The following ULK4 variants were observed in gnomAD, a reference collection of about 807,000 sequenced individuals.
The protein encoded by ULK4 is unc-51 like kinase 4, also known as inactive serine/threonine-protein kinase ULK4.
Under a neutral mutation model 160.6 loss-of-function variants are expected in ULK4, and 133 were observed. The observed-to-expected ratio is 0.83, with a 90% CI of 0.72 to 0.96. The LOEUF is 0.96. ULK4 is among the 40% of genes least tolerant of loss of function. ULK4 has a pLI of 0.00. For synonymous variants in ULK4, 534 were observed against 539.8 expected (o/e 0.99, Z 0.15); for missense variants, 1,580 against 1,499.5 (o/e 1.05, Z -0.89).
chr3:41,391,757 T>C (rs1173455001), intron 35 of ULK4, among the ~76,000 whole-genome samples: 4 of 152,086 alleles, frequency 2.6e-5, no homozygotes, highest in African/African-American at 4.8e-5. Context: ...AGGAAAATGA[T>C]GGTGAGCACA....
intron 35 of ULK4, among the ~76,000 whole-genome samples, chr3:41,298,557 A>G (rs2079718609): frequency 6.6e-6 from 1 of 152,240 alleles, no homozygotes; most frequent in Admixed American, 6.5e-5. Context: ...CCTAGCTGCA[A>G]GAAATACAGG....
chr3:41,796,087 G>A (rs2125599308), intron 20 of ULK4, among the ~76,000 whole-genome samples: 1 of 152,294 alleles, frequency 6.6e-6, no homozygotes, highest in African/African-American at 2.4e-5. Flanking sequence ...TGAGGGAAAA[G>A]AGTGTGCTGA....
chr3:41,793,973 G>A (rs1400514994), intron 20 of ULK4, among the ~76,000 whole-genome samples: 1 of 152,152 alleles, frequency 6.6e-6, no homozygotes, highest in Non-Finnish European at 1.5e-5. Context: ...AATATCAGCA[G>A]GCAACATCAC....
chr3:41,463,327 G>A (rs1293075437), intron 32 of ULK4, 74 bp from the exon 33 acceptor site: 10 of 1,435,764 alleles, frequency 7.0e-6, no homozygotes, highest in Non-Finnish European at 8.6e-6. Context: ...CAAAAAGAGA[G>A]GCATTCTGGC....
At chr3:41,274,900 C>A (rs1459450390) in intron 35 of ULK4, among the ~76,000 whole-genome samples, 1 of 152,090 alleles carries the variant, frequency 6.6e-6, no homozygotes, top group African/African-American at 2.4e-5. Flanking sequence ...AGAAAAGATG[C>A]CTCCATGACA....
intron 30 of ULK4, among the ~76,000 whole-genome samples, chr3:41,658,533 G>T (rs184151400): frequency 6.6e-6 from 1 of 152,208 alleles, no homozygotes; most frequent in African/African-American, 2.4e-5. Flanking sequence ...AACACCAAAA[G>T]ATTAGGAAAG....
At chr3:41,802,457 C>T (rs1441868463) in intron 19 of ULK4, among the ~76,000 whole-genome samples, 1 of 152,018 alleles carries the variant, frequency 6.6e-6, no homozygotes, top group East Asian at 1.9e-4. Context: ...CCACCATGCC[C>T]AGCCAATTTT....
chr3:41,659,704 T>TCA (rs2035077119), intron 30 of ULK4, among the ~76,000 whole-genome samples: 1 of 152,154 alleles, frequency 6.6e-6, no homozygotes, highest in East Asian at 1.9e-4. Flanking sequence ...TATTTCTCCT[T>TCA]TGATACATCA....
chr3:41,863,532 C>T (rs2042552831), intron 17 of ULK4, among the ~76,000 whole-genome samples: 1 of 150,964 alleles, frequency 6.6e-6, no homozygotes, highest in Admixed American at 6.6e-5. Flanking sequence ...CCCCATACAC[C>T]ACAACTAGTT....
At chr3:41,794,673 A>AAAAAAAAAAAAAAAAAAAAAAAAAC in intron 20 of ULK4, among the ~76,000 whole-genome samples, 1 of 130,308 alleles carries the variant, frequency 7.7e-6, no homozygotes, top group Admixed American at 7.7e-5. Context: ...AAAAAAAAAA[A>AAAAAAAAAAAAAAAAAAAAAAAAAC]AAAAAAAAAA....
chr3:41,769,885 T>A (rs2039296017), intron 21 of ULK4, among the ~76,000 whole-genome samples: 1 of 152,146 alleles, frequency 6.6e-6, no homozygotes, highest in Non-Finnish European at 1.5e-5. Flanking sequence ...TAAAAATCAA[T>A]ATGTATAGCC....
intron 19 of ULK4, among the ~76,000 whole-genome samples, chr3:41,800,536 A>G (rs1233957838): frequency 6.6e-6 from 1 of 152,228 alleles, no homozygotes; most frequent in Admixed American, 6.6e-5. Context: ...ACAAAGAATT[A>G]GGAATATTTC....
In ULK4 at chr3:41,897,011, G is replaced by A. The variant is rs1426401794; in HGVS notation, c.1349-8C>T. On this transcript the variant is annotated splice_region_variant and splice_polypyrimidine_tract_variant and intron_variant, in intron 14 of 36. Transcript: ENST00000301831. ...GAAATAATAACTTATCCACTGCGAT[G>A]GAAAGAAAATAATAAAAGTACATAT... is the stretch of plus-strand genomic sequence containing the variant. The A allele has an allele frequency of 3.1e-6, 5 of 1,593,216 alleles. No homozygotes were observed. In the African/African-American group the frequency reaches 5.4e-5, roughly 17 times the overall value.
At chr3:41,306,909 A>G (rs62257645) in intron 35 of ULK4, among the ~76,000 whole-genome samples, 116 of 151,670 alleles carry the variant, frequency 7.6e-4, no homozygotes, top group African/African-American at 2.1e-3. Context: ...GATTAAGGGC[A>G]GTGCAAGATG....
chr3:41,426,736 G>A lies in ULK4; in HGVS notation c.3493-28472C>T, dbSNP rs573652214. Among the ~76,000 whole-genome samples, 40 of 152,106 alleles carry A rather than the reference G, an allele frequency of 2.6e-4. No homozygotes were observed. The South Asian group carries it at 7.9e-3, about 30-fold the overall frequency. ...AAACCAACGAGAACAAAGAGATGAT[G>A]CATCAGAATCTCTGGGAGGCAGTTA... On this transcript the variant is annotated intron_variant, in intron 34 of 36. Coordinates refer to ENST00000301831, the MANE Select transcript of ULK4 (RefSeq NM_017886.4).
At chr3:41,872,786 A>G (rs114736944) in intron 17 of ULK4, among the ~76,000 whole-genome samples, 9,143 of 151,916 alleles carry the variant, frequency 0.06, 872 homozygotes, top group African/African-American at 0.21. Context: ...CATGAATAAA[A>G]TTGAAAAAAA....
intron 35 of ULK4, among the ~76,000 whole-genome samples, chr3:41,365,310 T>C (rs1425782596): frequency 1.3e-5 from 2 of 152,162 alleles, no homozygotes; most frequent in African/African-American, 4.8e-5. Context: ...GCCTTCACAA[T>C]CTTGAAGTTT....
At chr3:41,293,130 G>C (rs2079604268) in intron 35 of ULK4, among the ~76,000 whole-genome samples, 1 of 151,816 alleles carries the variant, frequency 6.6e-6, no homozygotes, top group Non-Finnish European at 1.5e-5. Context: ...AATAGGACTG[G>C]TAACCTAAAG....
chr3:41,322,942 AT>A (rs879751639), intron 35 of ULK4, among the ~76,000 whole-genome samples: 90 of 144,700 alleles, frequency 6.2e-4, no homozygotes, highest in Admixed American at 1.4e-3. Flanking sequence ...TGTGTGTACC[AT>A]TTTTTTTTTT....
Sources: gnomAD v4.1 joint callset for allele counts (sites outside exome capture counted in the v4.1 genomes callset) on GRCh38, gnomAD v4.1.1 for gene constraint, MANE v1.5 for transcripts, NCBI Gene and HGNC (gene_info 2026-07-23, HGNC 2026-07-21) for gene names.